The following DIS3L2 variants were observed in gnomAD, a reference collection of about 807,000 sequenced individuals.
DIS3L2 encodes DIS3-like exonuclease 2.
A neutral mutation model predicts 97.5 loss-of-function variants in DIS3L2; 34 were observed. That is an observed-to-expected ratio of 0.35 (90% CI 0.27 to 0.46). The LOEUF (loss-of-function observed/expected upper bound fraction) is 0.46. Ranked by LOEUF, DIS3L2 falls within the 20% of genes least tolerant of loss-of-function variation. The pLI is 1.00. For missense variants in DIS3L2, 1,038 were observed against 1,146.0 expected (o/e 0.91, Z 1.36); for synonymous variants, 435 against 445.2 (o/e 0.98, Z 0.29).
At chr2:232,241,129 T>C (rs930666780) in intron 11 of DIS3L2, among the ~76,000 whole-genome samples, 3 of 152,262 alleles carry the variant, frequency 2.0e-5, no homozygotes, top group Admixed American at 1.3e-4. Context: ...TGCGCTCTGA[T>C]TCCTTTGAAC....
At chr2:232,128,857 G>A (rs1698143480) in intron 6 of DIS3L2, among the ~76,000 whole-genome samples, 1 of 152,088 alleles carries the variant, frequency 6.6e-6, no homozygotes, top group African/African-American at 2.4e-5. Flanking sequence ...TCCATTGACT[G>A]TTATCTGTGA....
intron 14 of DIS3L2, among the ~76,000 whole-genome samples, chr2:232,305,556 AAG>A (rs1251499616): frequency 1.3e-5 from 2 of 151,976 alleles, no homozygotes; most frequent in African/African-American, 2.4e-5. Context: ...CAGTTATTTG[AAG>A]AGTTTTAGTT....
intron 5 of DIS3L2, among the ~76,000 whole-genome samples, chr2:232,086,380 T>C (rs1239761543): frequency 6.1e-5 from 9 of 147,050 alleles, no homozygotes; most frequent in African/African-American, 2.2e-4. Context: ...TATGTATATG[T>C]ATATGTATAT....
At chr2:232,105,291 G>A (rs1697329329) in intron 6 of DIS3L2, among the ~76,000 whole-genome samples, 1 of 152,120 alleles carries the variant, frequency 6.6e-6, no homozygotes, top group Non-Finnish European at 1.5e-5. Flanking sequence ...GGGTCATAGG[G>A]TAATTCTGTG....
intron 5 of DIS3L2, among the ~76,000 whole-genome samples, chr2:232,076,842 T>C (rs1280712238): frequency 6.6e-6 from 1 of 152,198 alleles, no homozygotes; most frequent in Non-Finnish European, 1.5e-5. Context: ...GCTTTTTAGA[T>C]TACATCTTCC....
intron 11 of DIS3L2, among the ~76,000 whole-genome samples, chr2:232,241,515 A>G (rs1693081003): frequency 6.6e-6 from 1 of 152,206 alleles, no homozygotes; most frequent in Non-Finnish European, 1.5e-5. Flanking sequence ...ATACCACCTC[A>G]CTGACTTTAA....
intron 8 of DIS3L2, among the ~76,000 whole-genome samples, chr2:232,157,088 A>C (rs1415812246): frequency 3.9e-5 from 6 of 151,998 alleles, no homozygotes; most frequent in South Asian, 2.1e-4. Context: ...TGAGTTGCAC[A>C]TAAGTTTTTT....
chr2:232,241,885 T>C (rs1248018691), intron 11 of DIS3L2, among the ~76,000 whole-genome samples: 1 of 152,264 alleles, frequency 6.6e-6, no homozygotes. Context: ...TTTCTGCCTA[T>C]TGGCCCAAGC....
intron 7 of DIS3L2, among the ~76,000 whole-genome samples, chr2:232,133,987 C>CAAA (rs60195881): frequency 1.3e-5 from 1 of 76,324 alleles, no homozygotes; most frequent in African/African-American, 7.3e-5. Flanking sequence ...GACTCTGTCT[C>CAAA]AAAAAAAAAA....
intron 9 of DIS3L2, among the ~76,000 whole-genome samples, chr2:232,202,939 T>A (rs951059368): frequency 5.3e-5 from 8 of 152,372 alleles, no homozygotes; most frequent in African/African-American, 1.9e-4. Flanking sequence ...GTTTGAATGA[T>A]GATCCCAGCT....
rs1259001427 is a variant in DIS3L2, at chr2:232,336,675, C to T, written c.*45C>T. 1 of 1,575,702 alleles carries T rather than the reference C, an allele frequency of 6.3e-7. No individual in the cohort carries two copies. The highest frequency in any genetic ancestry group is 8.6e-7 in the Non-Finnish European group (1 of 1,165,580). ...CCGCCTGCCCCGCCTGCCTGTCCCG[C>T]CACACTGGCTTTAGGACCTGTTGAC... On this transcript the variant is annotated 3_prime_UTR_variant, in exon 21 of 21. Transcript: ENST00000325385.
intron 5 of DIS3L2, among the ~76,000 whole-genome samples, chr2:232,086,628 TAC>T (rs1293123995): frequency 2.0e-5 from 2 of 97,680 alleles, no homozygotes; most frequent in Middle Eastern, 4.4e-3. Context: ...TATATATATA[TAC>T]ACATATATAT....
chr2:232,037,529 T>C lies in DIS3L2; in HGVS notation c.366+7449T>C. On this transcript the variant is annotated intron_variant, in intron 5 of 20. Coordinates refer to ENST00000325385, the MANE Select transcript of DIS3L2 (RefSeq NM_152383.5). The surrounding 1 kb of genome is among the most constrained non-coding windows in gnomAD (Gnocchi z 4.6). ...TTGGCTCTCTGGCTTCAACCCCTTT[T>C]CCAGCGGGGTGAACAGTTCTCTCTC... is the stretch of plus-strand genomic sequence containing the variant. 6.6e-6 allele frequency among the ~76,000 whole-genome samples: 1 copy of C among 152,106 alleles called. No individual in the cohort carries two copies. Among genetic ancestry groups the C allele is most frequent in the East Asian group, 1.9e-4 (1 of 5,192 alleles).
chr2:232,263,980 C>A (rs970418680), intron 13 of DIS3L2, among the ~76,000 whole-genome samples: 1 of 152,208 alleles, frequency 6.6e-6, no homozygotes, highest in Non-Finnish European at 1.5e-5. Flanking sequence ...TGTAGAACAG[C>A]GGTCCCATTG....
chr2:232,240,784 G>C (rs1027264080), intron 11 of DIS3L2, among the ~76,000 whole-genome samples: 1 of 152,192 alleles, frequency 6.6e-6, no homozygotes, highest in African/African-American at 2.4e-5. Flanking sequence ...AGTACATGGG[G>C]CTTCCTCCCT....
At chr2:232,104,138 G>C (rs1697290469) in intron 6 of DIS3L2, among the ~76,000 whole-genome samples, 1 of 152,120 alleles carries the variant, frequency 6.6e-6, no homozygotes, top group Admixed American at 6.5e-5. Context: ...TGGTAAATGT[G>C]AGATGGTCAT....
At chr2:232,320,363 T>G (rs950400613) in intron 14 of DIS3L2, among the ~76,000 whole-genome samples, 6 of 152,214 alleles carry the variant, frequency 3.9e-5, no homozygotes, top group Non-Finnish European at 8.8e-5. Flanking sequence ...GGAGTTTTCT[T>G]TTAATCTTCT....
At chr2:232,069,063 C>G (rs144936529) in intron 5 of DIS3L2, among the ~76,000 whole-genome samples, 1 of 151,906 alleles carries the variant, frequency 6.6e-6, no homozygotes, top group African/African-American at 2.4e-5. Flanking sequence ...GTGATCTGCC[C>G]GCCTCAGCCT....
intron 1 of DIS3L2, among the ~76,000 whole-genome samples, chr2:231,981,595 A>T (rs1559512297): frequency 7.4e-5 from 3 of 40,494 alleles, no homozygotes; most frequent in East Asian, 1.3e-3. Flanking sequence ...ACTGTTAAGT[A>T]TTTTATATAT....
Sources: gnomAD v4.1 joint callset for allele counts (sites outside exome capture counted in the v4.1 genomes callset) on GRCh38, gnomAD v4.1.1 for gene constraint, Gnocchi (gnomAD v3.1) non-coding constraint, MANE v1.5 for transcripts, NCBI Gene and HGNC (gene_info 2026-07-23, HGNC 2026-07-21) for gene names.